Variants in HPF1 observed in about 807,000 individuals in gnomAD.
HPF1 encodes UPF0609 protein C4orf27.
HPF1 carries 35 observed loss-of-function variants against 38.8 expected under a neutral mutation model. The ratio of observed to expected loss-of-function variants is 0.90; its 90% CI spans 0.69 to 1.19. HPF1 has a LOEUF of 1.19. Ranked by LOEUF, HPF1 falls within the 50% of genes most tolerant of loss-of-function variation. The probability of loss-of-function intolerance (pLI) is 0.00; values close to 1 mark genes in which losing one functional copy is unlikely to be tolerated. For synonymous variants in HPF1, 115 were observed against 139.2 expected, an observed-to-expected ratio of 0.83 and a Z score of 1.22; for missense variants, 367 against 405.8, an observed-to-expected ratio of 0.90 and a Z score of 0.82.
At chr4:169,735,940 A>C (rs1371291756) in intron 6 of HPF1, among the ~76,000 whole-genome samples, 2 of 151,830 alleles carry the variant, frequency 1.3e-5, no homozygotes, top group African/African-American at 4.8e-5. Flanking sequence ...GCTAAAAAAA[A>C]AAAAAAAAAC....
At position 169,743,047 on chromosome 4, in the gene HPF1, T is replaced by C. The variant is rs28409103; in HGVS notation, c.498-940A>G. On this transcript the variant is annotated intron_variant, in intron 4 of 7. Coordinates refer to ENST00000393381, the MANE Select transcript of HPF1 (RefSeq NM_017867.3). Reference sequence around the variant, plus strand: ...ACCCGGGAGGTAGAGGTTGCAGCCATCCAGTCAGCCGAGATCGTGCCACTG... The same window carrying C: ...ACCCGGGAGGTAGAGGTTGCAGCCACCCAGTCAGCCGAGATCGTGCCACTG... 2.8e-3 allele frequency among the ~76,000 whole-genome samples: 426 copies of C among 151,264 alleles called. 5 individuals are homozygous for C. Among genetic ancestry groups the C allele is most frequent in the Middle Eastern group, 0.017 (5 of 294 alleles).
intron 5 of HPF1, among the ~76,000 whole-genome samples, chr4:169,740,501 G>A (rs556403393): frequency 2.0e-5 from 3 of 152,146 alleles, no homozygotes; most frequent in African/African-American, 7.2e-5. Flanking sequence ...CAAGGACAAA[G>A]CCACTAACTC....
chr4:169,729,640 C>A lies in HPF1; in HGVS notation c.979G>T (p.Glu327Ter). The change falls in exon 8 of 8, where the codon GAA becomes TAA. Residue 327 changes from glutamate to a stop codon, truncating the protein, a stop_gained. Coordinates refer to ENST00000393381, the MANE Select transcript of HPF1 (RefSeq NM_017867.3). LOFTEE classifies it high-confidence loss of function. ...TTTGCCAGATGCTCCTCAATAATTT[C>A]TGCAAACAGATTCCTCTTCAACAGA... ...YNLLKRNLFAEIIEEHLANRS... is the reference protein window; with the variant it reads ...YNLLKRNLFA 6.3e-7 allele frequency: 1 copy of A among 1,590,618 alleles called. No individual in the cohort carries two copies. The highest frequency in any genetic ancestry group is 8.5e-7 in the Non-Finnish European group (1 of 1,170,252).
In HPF1 at chr4:169,748,694, A is replaced by C. The variant is rs771395206; in HGVS notation, c.497+50T>G. On this transcript the variant is annotated intron_variant, in intron 4 of 7. Transcript: ENST00000393381. ...GCCCCTCAAACCCCCTTTGTAATGG[A>C]CTAATGTAGTATAAACATTGTAAAC... 4.5e-6 allele frequency: 4 copies of C among 879,890 alleles called. No individual in the cohort carries two copies. In the African/African-American group the frequency reaches 7.0e-5, roughly 15 times the overall value. The allele number at this position is 879,890 out of a possible 1,614,324, so 54.5% of individuals were successfully genotyped here. A position where few individuals can be genotyped will look rare whatever the true frequency, so the allele number is the denominator to read the frequency against.
chr4:169,746,907 T>C (rs536991182), intron 4 of HPF1, among the ~76,000 whole-genome samples: 7 of 148,126 alleles, frequency 4.7e-5, no homozygotes, highest in African/African-American at 1.7e-4. Flanking sequence ...TCATTGTCTA[T>C]GTTCTCCAAT....
intron 4 of HPF1, among the ~76,000 whole-genome samples, chr4:169,742,589 A>G (rs28631486): frequency 0.14 from 20,698 of 152,128 alleles, 1,555 homozygotes; most frequent in Middle Eastern, 0.18. Flanking sequence ...TCAGGAGATC[A>G]AGACCATCCT....
chr4:169,753,543 T>C, intron 2 of HPF1, 133 bp downstream of exon 2: 1 of 705,146 alleles, frequency 1.4e-6, no homozygotes, highest in East Asian at 2.8e-5. Context: ...TTGACCAGGT[T>C]GGTCTCAAAC....
intron 6 of HPF1, among the ~76,000 whole-genome samples, chr4:169,733,276 AT>A (rs1733852577): frequency 2.0e-5 from 3 of 152,190 alleles, no homozygotes. Flanking sequence ...GGCTTTCAAG[AT>A]TTTTTTCATT....
intron 5 of HPF1, among the ~76,000 whole-genome samples, chr4:169,739,692 G>GAT (rs1355489657): frequency 6.6e-6 from 1 of 152,096 alleles, no homozygotes; most frequent in Non-Finnish European, 1.5e-5. Context: ...GGTATAAAAG[G>GAT]ATATCTATGG....
chr4:169,729,808 T>G, intron 7 of HPF1, 99 bp from the exon 8 acceptor site: 2 of 913,096 alleles, frequency 2.2e-6, no homozygotes, highest in Non-Finnish European at 2.9e-6. Context: ...CAAAGGCTAC[T>G]TCCAAAATCA....
Position 169,757,924 on chromosome 4 carries a change from C to A in HPF1, c.-47G>T, listed in dbSNP as rs1734213785. 1 of 1,525,096 alleles carries A rather than the reference C, an allele frequency of 6.6e-7. No individual in the cohort carries two copies. Among genetic ancestry groups the A allele is most frequent in the African/African-American group, 1.4e-5 (1 of 72,856 alleles). 94.5% of individuals were successfully genotyped at this position (1,525,096 alleles called of 1,614,324 possible). A position where few individuals can be genotyped will look rare whatever the true frequency, so the allele number is the denominator to read the frequency against. ...GAATTCCCCGATCCGCGGCCGCTTC[C>A]GAGCGCCGCCAACCGCTTCCGGGTT... On this transcript the variant is annotated 5_prime_UTR_variant, in exon 1 of 8. Coordinates refer to ENST00000393381, the MANE Select transcript of HPF1 (RefSeq NM_017867.3).
chr4:169,734,312 G>T (rs1332074814), intron 6 of HPF1, among the ~76,000 whole-genome samples: 2 of 152,186 alleles, frequency 1.3e-5, no homozygotes, highest in Non-Finnish European at 2.9e-5. Context: ...GTAACTGATT[G>T]ACTGGGACCC....
intron 1 of HPF1, 26 bp downstream of exon 1, chr4:169,757,804 A>G (rs1458580292): frequency 6.4e-7 from 1 of 1,553,522 alleles, no homozygotes; most frequent in African/African-American, 1.4e-5. Context: ...CGCCCCGCGT[A>G]GCCCGCACAG....
At position 169,737,904 on chromosome 4, in the gene HPF1, T is replaced by A. The variant is rs1000429053; in HGVS notation, c.649-157A>T. ...ACTCCAGGGTAAAAATTTAACACTA[T>A]TTTTTTCTTGAAAATCAGCTAAAAG... On this transcript the variant is annotated intron_variant, in intron 5 of 7. Coordinates refer to ENST00000393381, the MANE Select transcript of HPF1 (RefSeq NM_017867.3). 9.2e-5 allele frequency among the ~76,000 whole-genome samples: 13 copies of A among 140,894 alleles called. 1 individual carries two copies. The highest frequency in any genetic ancestry group is 9.1e-4 in the Admixed American group (13 of 14,272). The allele number at this position is 140,894 out of a possible 152,430, so 92.4% of individuals were successfully genotyped here.
intron 1 of HPF1, among the ~76,000 whole-genome samples, chr4:169,754,817 G>A (rs1185643289): frequency 6.6e-6 from 1 of 152,136 alleles, no homozygotes; most frequent in African/African-American, 2.4e-5. Context: ...ATCCTATAAT[G>A]CCCAGGATAG....
intron 4 of HPF1, among the ~76,000 whole-genome samples, chr4:169,748,412 T>A (rs1282198196): frequency 6.6e-6 from 1 of 151,816 alleles, no homozygotes; most frequent in Non-Finnish European, 1.5e-5. Context: ...ACTCTGTCAC[T>A]CAGGCTGCAA....
chr4:169,748,673 C>A (rs35744315), intron 4 of HPF1, 71 bp downstream of exon 4: 568,943 of 747,296 alleles, frequency 0.76, 224,105 homozygotes, highest in East Asian at 0.92. Context: ...TGCCCAGCCC[C>A]TCAAACCCCC....
intron 6 of HPF1, among the ~76,000 whole-genome samples, chr4:169,735,816 C>G (rs1581313486): frequency 1.3e-5 from 2 of 151,716 alleles, no homozygotes; most frequent in East Asian, 3.9e-4. Flanking sequence ...CTAATTGACT[C>G]TGGCTTCAAA....
At chr4:169,752,015 G>A (rs922345601) in intron 2 of HPF1, among the ~76,000 whole-genome samples, 2 of 151,984 alleles carry the variant, frequency 1.3e-5, no homozygotes, top group African/African-American at 4.8e-5. Context: ...GCTATTCAAT[G>A]TTATTTGACA....
Sources: allele counts gnomAD v4.1 joint callset (sites outside exome capture counted in the v4.1 genomes callset), GRCh38; gene constraint gnomAD v4.1.1; transcripts MANE v1.5; gene names NCBI Gene and HGNC (gene_info 2026-07-23, HGNC 2026-07-21).